TXLNA: variants seen among roughly 807,000 people sequenced by gnomAD.
TXLNA encodes the protein alpha-taxilin.
A neutral mutation model predicts 61.4 loss-of-function variants in TXLNA; 9 were observed. The observed-to-expected ratio is 0.15, with a 90% CI of 0.09 to 0.26. TXLNA has a LOEUF of 0.26. Among genes scored for constraint, TXLNA ranks in the 10% least tolerant of loss-of-function variants. The pLI is 1.00. For synonymous variants in TXLNA, 257 were observed against 267.7 expected, an observed-to-expected ratio of 0.96 and a Z score of 0.39; for missense variants, 565 against 688.8, an observed-to-expected ratio of 0.82 and a Z score of 2.01.
Position 32,195,053 on chromosome 1 carries a change from G to T in TXLNA, c.1499G>T (p.Gly500Val). 4.3e-6 allele frequency: 7 copies of T among 1,614,170 alleles called. No homozygotes were observed. The highest frequency in any genetic ancestry group is 5.9e-6 in the Non-Finnish European group (7 of 1,180,020). The change falls in exon 11 of 11, where the codon GGC becomes GTC. Residue 500 changes from glycine to valine, a missense_variant. Gly to Val is a moderately radical substitution (Grantham distance 109). Transcript: ENST00000373610. ...GGCCAGGGCTCCCTCACTGACAGTG[G>T]CCCTGAGAGGAGGCCAGAGGGGCCT... Reference protein sequence around the residue: ...AGGQGSLTDSGPERRPEGPGA... With the variant: ...AGGQGSLTDSVPERRPEGPGA...
intron 3 of TXLNA, among the ~76,000 whole-genome samples, chr1:32,184,237 G>GT (rs894129619): frequency 3.3e-5 from 5 of 152,154 alleles, no homozygotes; most frequent in Non-Finnish European, 2.9e-5. Context: ...AGAGCAGGCA[G>GT]TTTTTTTCTC....
chr1:32,194,801 T>G, intron 10 of TXLNA, 101 bp from the exon 11 acceptor site: 1 of 1,401,992 alleles, frequency 7.1e-7, no homozygotes, highest in Non-Finnish European at 9.7e-7. Context: ...AGCTTTGGAC[T>G]CGGTCTGCTC....
chr1:32,193,460 G>GTA (rs1642949354), intron 9 of TXLNA, among the ~76,000 whole-genome samples, 160 bp downstream of exon 9: 1 of 152,108 alleles, frequency 6.6e-6, no homozygotes, highest in Admixed American at 6.6e-5. Context: ...TCAGTGGTAT[G>GTA]TATACACTCC....
chr1:32,190,318 G>A lies in TXLNA; in HGVS notation c.963+69G>A, dbSNP rs977423549. 28 of 1,419,448 alleles carry A rather than the reference G, an allele frequency of 2.0e-5. No individual in the cohort carries two copies. In the Admixed American group the frequency reaches 4.2e-4, roughly 21 times the overall value. The allele number at this position is 1,419,448 out of a possible 1,614,324, so 87.9% of individuals were successfully genotyped here. On this transcript the variant is annotated intron_variant, in intron 6 of 10. Transcript: ENST00000373610. Reference sequence around the variant, plus strand: ...GTTTTGAGTGTGTGCTAGGCACTGGGACAGTACCTTTTCAGGCTTCATCCC... The same window carrying A: ...GTTTTGAGTGTGTGCTAGGCACTGGAACAGTACCTTTTCAGGCTTCATCCC...
intron 3 of TXLNA, among the ~76,000 whole-genome samples, chr1:32,183,973 G>A (rs925935327): frequency 4.0e-5 from 6 of 151,838 alleles, no homozygotes; most frequent in East Asian, 1.9e-4. Flanking sequence ...TCTTGACCTC[G>A]TGATCCGCCT....
intron 5 of TXLNA, among the ~76,000 whole-genome samples, chr1:32,189,531 T>G (rs80097149): frequency 0.027 from 4,049 of 151,832 alleles, 180 homozygotes; most frequent in African/African-American, 0.092. Flanking sequence ...TGTGCCTGCA[T>G]TTTTTCTTCC....
At chr1:32,188,218 G>A (rs1642828436) in intron 5 of TXLNA, 94 bp downstream of exon 5, 3 of 1,369,674 alleles carry the variant, frequency 2.2e-6, no homozygotes, top group South Asian at 1.5e-5. Context: ...AGTAGTGCAG[G>A]CTAGGGCCAG....
At chr1:32,188,213 T>C (rs1368091439) in intron 5 of TXLNA, 89 bp downstream of exon 5, 3 of 1,412,380 alleles carry the variant, frequency 2.1e-6, no homozygotes, top group Non-Finnish European at 2.8e-6. Context: ...TAAAAAGTAG[T>C]GCAGGCTAGG....
In TXLNA at chr1:32,195,475, G is replaced by C; in HGVS notation, c.*280G>C. On this transcript the variant is annotated 3_prime_UTR_variant, in exon 11 of 11. Coordinates refer to ENST00000373610, the MANE Select transcript of TXLNA (RefSeq NM_175852.4). ...CAGTGGCTTGTCTGTGAGCTGAAGAGTCTTGAGAGGGGCTGTCATCTGTAG... is the reference window on the plus strand; with the variant it reads ...CAGTGGCTTGTCTGTGAGCTGAAGACTCTTGAGAGGGGCTGTCATCTGTAG... 1 of 550,486 alleles carries C rather than the reference G, an allele frequency of 1.8e-6. No individual in the cohort carries two copies. 34.1% of individuals were successfully genotyped at this position (550,486 alleles called of 1,614,324 possible).
At position 32,195,844 on chromosome 1, in the gene TXLNA, G is replaced by T. The variant is rs1557509335; in HGVS notation, c.*649G>T. 2.2e-6 allele frequency: 1 copy of T among 454,482 alleles called. No individual in the cohort carries two copies. The highest frequency in any genetic ancestry group is 4.4e-6 in the Non-Finnish European group (1 of 225,952). 28.2% of individuals were successfully genotyped at this position (454,482 alleles called of 1,614,324 possible). A position where few individuals can be genotyped will look rare whatever the true frequency, so the allele number is the denominator to read the frequency against. ...GCATCGCTTCCCCTGCCCTTTGGTA[G>T]TGCCAGGACCAGGCCAATGATGCTT... On this transcript the variant is annotated 3_prime_UTR_variant, in exon 11 of 11. Transcript: ENST00000373610.
chr1:32,193,143 G>A (rs1642942566), intron 8 of TXLNA, 65 bp from the exon 9 acceptor site: 1 of 1,016,904 alleles, frequency 9.8e-7, no homozygotes, highest in Non-Finnish European at 1.6e-6. Context: ...ACGGGTCTGA[G>A]TGTGTTGACC....
intron 6 of TXLNA, among the ~76,000 whole-genome samples, chr1:32,191,381 C>T (rs1182514866): frequency 3.3e-5 from 5 of 152,086 alleles, no homozygotes; most frequent in African/African-American, 4.8e-5. Context: ...ACCTAGAGGG[C>T]GCTCCCCTGA....
In TXLNA at chr1:32,189,912, C is replaced by T. The variant is rs958755493; in HGVS notation, c.769-143C>T. 1.3e-5 allele frequency: 10 copies of T among 787,776 alleles called. 1 individual carries two copies. The highest frequency in any genetic ancestry group is 7.0e-5 in the African/African-American group (4 of 57,178). The allele number at this position is 787,776 out of a possible 1,614,324, so 48.8% of individuals were successfully genotyped here. On this transcript the variant is annotated intron_variant, in intron 5 of 10. Coordinates refer to ENST00000373610, the MANE Select transcript of TXLNA (RefSeq NM_175852.4). ...ATATACAGAGGGGCCCATTGGAACC[C>T]GCATTGCACAACATCCTGGAGTCTG... is the stretch of plus-strand genomic sequence containing the variant.
rs148676880 is a variant in TXLNA, at chr1:32,190,162, T to C, written c.876T>C (p.Asn292=). 5.3e-5 allele frequency: 85 copies of C among 1,600,434 alleles called. 1 individual carries two copies. The highest frequency in any genetic ancestry group is 6.7e-5 in the Non-Finnish European group (79 of 1,173,406). ...NDIQLQMEQH[N]ERNSKLRQEN... ...TTCAGCTGCAGATGGAACAGCACAA[T>C]GAGCGCAACTCCAAGCTGCGCCAAG... Residue 292 remains asparagine, a synonymous_variant, in exon 6 of 11, where the codon AAT becomes AAC. Transcript: ENST00000373610.
rs1278292201 is a variant in TXLNA at position 32,187,938 on chromosome 1, C to T, written c.598-16C>T. The T allele has an allele frequency of 1.5e-5, 24 of 1,611,892 alleles. No homozygotes were observed. Among genetic ancestry groups the T allele is most frequent in the African/African-American group, 2.7e-5 (2 of 74,910 alleles). On this transcript the variant is annotated splice_polypyrimidine_tract_variant and intron_variant, in intron 4 of 10. Transcript: ENST00000373610. ...CCCACAAGATGCTCACCTGCCCTCC[C>T]TATCCCTGTCCCCAGCTGGAGGAGC... is the stretch of plus-strand genomic sequence containing the variant.
chr1:32,191,212 CTCA>C (rs938451168), intron 6 of TXLNA, among the ~76,000 whole-genome samples: 1 of 152,050 alleles, frequency 6.6e-6, no homozygotes, highest in Non-Finnish European at 1.5e-5. Context: ...TGGGCGCGTT[CTCA>C]TCATGAGAAG....
intron 4 of TXLNA, 95 bp downstream of exon 4, chr1:32,184,711 T>A: frequency 2.6e-6 from 2 of 756,568 alleles, no homozygotes; most frequent in Non-Finnish European, 4.5e-6. Flanking sequence ...GTAGGTGGCT[T>A]AATTCCTGTT....
In TXLNA at chr1:32,193,686, G is replaced by A. The variant is rs189186409; in HGVS notation, c.1252-379G>A. Among the ~76,000 whole-genome samples the A allele has an allele frequency of 1.6e-3, 236 of 152,082 alleles. 2 individuals carry two copies. Among genetic ancestry groups the A allele is most frequent in the African/African-American group, 5.4e-3 (223 of 41,476 alleles). Reference sequence around the variant, plus strand: ...CTCCTGACTAGCTGGAATTACAGGCGCGTGCCACCATGCCTGGCTAATTTT... The same window carrying A: ...CTCCTGACTAGCTGGAATTACAGGCACGTGCCACCATGCCTGGCTAATTTT... On this transcript the variant is annotated intron_variant, in intron 9 of 10. Transcript: ENST00000373610.
At position 32,195,335 on chromosome 1, in the gene TXLNA, A is replaced by G; in HGVS notation, c.*140A>G. Reference sequence around the variant, plus strand: ...TGGCATCTGGCACTTGCAATTTTGGATTTTGTGGGTCAGTTTTACGTACAT... The same window carrying G: ...TGGCATCTGGCACTTGCAATTTTGGGTTTTGTGGGTCAGTTTTACGTACAT... On this transcript the variant is annotated 3_prime_UTR_variant, in exon 11 of 11. Coordinates refer to ENST00000373610, the MANE Select transcript of TXLNA (RefSeq NM_175852.4). The G allele has an allele frequency of 3.1e-6, 3 of 962,988 alleles. No individual in the cohort carries two copies. Among genetic ancestry groups the G allele is most frequent in the Non-Finnish European group, 4.6e-6 (3 of 656,714 alleles). The allele number at this position is 962,988 out of a possible 1,614,324, so 59.7% of individuals were successfully genotyped here.
Sources: allele counts gnomAD v4.1 joint callset (sites outside exome capture counted in the v4.1 genomes callset), GRCh38; gene constraint gnomAD v4.1.1; transcripts MANE v1.5; gene names NCBI Gene and HGNC (gene_info 2026-07-23, HGNC 2026-07-21).